GSTM2: variants seen among roughly 807,000 people sequenced by gnomAD.
GSTM2 encodes the protein GST class-mu 2.
Under a neutral mutation model 33.3 loss-of-function variants are expected in GSTM2, and 33 were observed. The ratio of observed to expected loss-of-function variants is 0.99; its 90% CI spans 0.75 to 1.33. GSTM2 has a LOEUF of 1.33. GSTM2 is among the 40% of genes most tolerant of loss of function. The probability of loss-of-function intolerance (pLI) is 0.00; values close to 1 mark genes in which losing one functional copy is unlikely to be tolerated. For synonymous variants in GSTM2, 93 were observed against 95.6 expected (o/e 0.97, Z 0.16); for missense variants, 213 against 265.8 (o/e 0.80, Z 1.38).
chr1:109,680,128 C>G (rs1331109450), downstream of GSTM2, among the ~76,000 whole-genome samples: 1 of 151,886 alleles, frequency 6.6e-6, no homozygotes, highest in Non-Finnish European at 1.5e-5. Context: ...CTCTGTCCTG[C>G]AGCCAGCTGA....
chr1:109,668,913 T>G lies in GSTM2; in HGVS notation c.113-12T>G. ...GGGGAGGTTTGTTTTCACTTCATCT[T>G]CCCCACCACAGCTCCTGATTATGAC... is the stretch of plus-strand genomic sequence containing the variant. On this transcript the variant is annotated splice_polypyrimidine_tract_variant and intron_variant, in intron 2 of 7. Coordinates refer to ENST00000241337, the MANE Select transcript of GSTM2 (RefSeq NM_000848.4). 6.2e-7 allele frequency: 1 copy of G among 1,612,146 alleles called. No homozygotes were observed. The highest frequency in any genetic ancestry group is 8.5e-7 in the Non-Finnish European group (1 of 1,179,826).
chr1:109,679,935 C>G (rs1647817191), downstream of GSTM2, among the ~76,000 whole-genome samples: 1 of 152,132 alleles, frequency 6.6e-6, no homozygotes, highest in Non-Finnish European at 1.5e-5. Context: ...GAGAAAAAGA[C>G]AGAGGAAGGG....
intron 5 of GSTM2, chr1:109,670,753 G>A (rs1166228931): frequency 6.5e-6 from 1 of 153,848 alleles, no homozygotes; most frequent in Non-Finnish European, 1.4e-5. Flanking sequence ...GTGCTCTCTT[G>A]ACATACACTG....
Position 109,669,475 on chromosome 1 carries a change from G to C in GSTM2, c.264G>C (p.Gly88=), listed in dbSNP as rs1367762806. 1 of 1,613,892 alleles carries C rather than the reference G, an allele frequency of 6.2e-7. No individual in the cohort carries two copies. The highest frequency in any genetic ancestry group is 1.7e-5 in the Admixed American group (1 of 60,026). The change falls in exon 5 of 8, where the codon GGG becomes GGC. Residue 88 remains glycine (G), a synonymous_variant. Transcript: ENST00000241337. ...GAATCTGCTTTACGAGGGTAGGCGG[G>C]GAATCAGAAAAGGAGCAGATTCGCG... The part of the protein sequence containing the change: ...RYIARKHNLC[G]ESEKEQIRED...
In GSTM2 at chr1:109,668,411, G is replaced by A; in HGVS notation, c.37-14G>A. 2 of 1,613,682 alleles carry A rather than the reference G, an allele frequency of 1.2e-6. No homozygotes were observed. Among genetic ancestry groups the A allele is most frequent in the Non-Finnish European group, 1.7e-6 (2 of 1,179,584 alleles). The stretch of plus-strand genomic sequence containing the variant: ...CCTCCATCTCTGACCCGAGCTGTGG[G>A]CCATCTCTCCCAGCTGGCCCATTCC... On this transcript the variant is annotated splice_polypyrimidine_tract_variant and intron_variant, in intron 1 of 7. Coordinates refer to ENST00000241337, the MANE Select transcript of GSTM2 (RefSeq NM_000848.4).
At position 109,682,613 on chromosome 1, in the gene GSTM2, T is replaced by C. The variant is rs1240619090; in HGVS notation, c.567+11030T>C. ...ATTTCTCTTAAGGTCACTTATTGCT[T>C]CCACTTCTTTTTCCATCTCTAACTT... is the stretch of plus-strand genomic sequence containing the variant. On this transcript the variant is annotated intron_variant, in intron 7 of 7. Coordinates refer to the GSTM2 transcript ENST00000369831. 2.3e-5 allele frequency among the ~76,000 whole-genome samples: 3 copies of C among 128,434 alleles called. 1 individual carries two copies. The highest frequency in any genetic ancestry group is 5.7e-5 in the Non-Finnish European group (3 of 52,256). The allele number at this position is 128,434 out of a possible 152,430, so 84.3% of individuals were successfully genotyped here.
rs143027391 is a variant in GSTM2, at chr1:109,668,929, T to G, written c.117T>G (p.Pro39=). ...EEKKYTMGDA[P]DYDRSQWLNE... ...ACTTCATCTTCCCCACCACAGCTCCTGATTATGACAGAAGCCAGTGGCTGA... is the reference window on the plus strand; with the variant it reads ...ACTTCATCTTCCCCACCACAGCTCCGGATTATGACAGAAGCCAGTGGCTGA... Residue 39 remains proline (P), a synonymous_variant, in exon 3 of 8, where the codon CCT becomes CCG. Transcript: ENST00000241337. The G allele has an allele frequency of 1.5e-4, 249 of 1,612,338 alleles. No homozygotes were observed. In the African/African-American group the frequency reaches 2.6e-3, roughly 17 times the overall value.
At chr1:109,677,484 A>G (rs1214101947), downstream of GSTM2, among the ~76,000 whole-genome samples, 1 of 152,270 alleles carries the variant, frequency 6.6e-6, no homozygotes, top group Non-Finnish European at 1.5e-5. Context: ...GAAAATAAAC[A>G]TGCTAACGCT....
intron 7 of GSTM2, among the ~76,000 whole-genome samples, chr1:109,672,105 C>A (rs992897928): frequency 6.7e-6 from 1 of 149,384 alleles, no homozygotes; most frequent in African/African-American, 2.5e-5. Flanking sequence ...CATGGTGAGA[C>A]CCCTGTCTCT....
chr1:109,678,023 T>TA (rs1433548694), downstream of GSTM2, among the ~76,000 whole-genome samples: 1 of 152,240 alleles, frequency 6.6e-6, no homozygotes. Context: ...AAGCAAATTA[T>TA]ACGTTCATCT....
downstream of GSTM2, among the ~76,000 whole-genome samples, chr1:109,677,253 C>T (rs978619546): frequency 6.6e-6 from 1 of 152,132 alleles, no homozygotes; most frequent in South Asian, 2.1e-4. Context: ...AATACTGGCA[C>T]TGTCAACTAG....
chr1:109,671,246 A>G (rs1570628758), intron 5 of GSTM2, 41 bp from the exon 6 acceptor site: 3 of 1,430,786 alleles, frequency 2.1e-6, no homozygotes, highest in Non-Finnish European at 2.0e-6. Context: ...CTGTGCAGGG[A>G]GCTTGTGTCT....
chr1:109,672,231 G>T (rs1404037548), intron 7 of GSTM2, among the ~76,000 whole-genome samples: 1 of 151,998 alleles, frequency 6.6e-6, no homozygotes, highest in Admixed American at 6.5e-5. Flanking sequence ...GGTGAGCCAA[G>T]ATCGTGCCAT....
chr1:109,672,006 A>G (rs954392049), intron 7 of GSTM2, among the ~76,000 whole-genome samples: 18 of 147,564 alleles, frequency 1.2e-4, no homozygotes, highest in Non-Finnish European at 2.1e-4. Context: ...GGAGCCGGGC[A>G]TGGTGGCTCA....
intron 7 of GSTM2, among the ~76,000 whole-genome samples, chr1:109,672,004 G>T (rs200005419): frequency 6.7e-6 from 1 of 149,692 alleles, no homozygotes; most frequent in African/African-American, 2.4e-5. Flanking sequence ...AAGGAGCCGG[G>T]CATGGTGGCT....
chr1:109,680,280 A>C (rs1164101345), downstream of GSTM2, among the ~76,000 whole-genome samples: 2 of 3,858 alleles, frequency 5.2e-4, no homozygotes, highest in African/African-American at 7.9e-4. Flanking sequence ...TACACATAGC[A>C]AAAAAAAAAA....
downstream of GSTM2, among the ~76,000 whole-genome samples, chr1:109,676,380 A>G (rs1647705243): frequency 6.6e-6 from 1 of 152,140 alleles, no homozygotes; most frequent in African/African-American, 2.4e-5. Context: ...GAGAGGAAGT[A>G]TTACTCTGTC....
downstream of GSTM2, among the ~76,000 whole-genome samples, chr1:109,677,272 C>A (rs71663077): frequency 5.3e-5 from 8 of 152,106 alleles, no homozygotes; most frequent in African/African-American, 9.7e-5. Flanking sequence ...AGAGCTAAAC[C>A]TACATCTACC....
At chr1:109,676,327 G>T (rs1213901786), downstream of GSTM2, among the ~76,000 whole-genome samples, 1 of 152,144 alleles carries the variant, frequency 6.6e-6, no homozygotes, top group Non-Finnish European at 1.5e-5. Context: ...CAGTCTGACT[G>T]CATCCTTTGC....
Sources: allele counts gnomAD v4.1 joint callset (sites outside exome capture counted in the v4.1 genomes callset), GRCh38; gene constraint gnomAD v4.1.1; transcripts MANE v1.5; gene names NCBI Gene and HGNC (gene_info 2026-07-23, HGNC 2026-07-21).